Variants in CTNNA2 observed in about 807,000 individuals in gnomAD.
CTNNA2 encodes the protein catenin alpha-2.
CTNNA2 carries 42 observed loss-of-function variants against 101.0 expected under a neutral mutation model. The observed-to-expected ratio is 0.42, with a 90% CI of 0.32 to 0.54. CTNNA2 has a LOEUF of 0.54. Among genes scored for constraint, CTNNA2 ranks in the 20% least tolerant of loss-of-function variants. The pLI is 0.14. For missense variants in CTNNA2, 871 were observed against 1,223.1 expected, an observed-to-expected ratio of 0.71 and a Z score of 4.29; for synonymous variants, 450 against 456.4, an observed-to-expected ratio of 0.99 and a Z score of 0.18.
chr2:80,456,040 C>T (rs555660638), intron 9 of CTNNA2, among the ~76,000 whole-genome samples: 2 of 152,234 alleles, frequency 1.3e-5, no homozygotes, highest in East Asian at 3.9e-4. Flanking sequence ...AAGTTACTTT[C>T]CTTATTTGTA....
At chr2:79,853,743 A>G (rs1246715801) in intron 3 of CTNNA2, among the ~76,000 whole-genome samples, 1 of 148,558 alleles carries the variant, frequency 6.7e-6, no homozygotes, top group African/African-American at 2.5e-5. Context: ...ATCTTGGCTC[A>G]CCGCAACATT....
At chr2:80,572,494 G>A (rs904307994) in intron 12 of CTNNA2, among the ~76,000 whole-genome samples, 2 of 152,036 alleles carry the variant, frequency 1.3e-5, no homozygotes, top group African/African-American at 4.8e-5. Context: ...TCATACTTAT[G>A]GCAACGTAGA....
rs141079825 is a variant in CTNNA2 at position 80,260,093 on chromosome 2, C to T, written c.1057-133118C>T. On this transcript the variant is annotated intron_variant, in intron 7 of 18. Coordinates refer to ENST00000402739, the MANE Select transcript of CTNNA2 (RefSeq NM_001282597.3). ...GTACCATTATTACTCCATTATTTTC[C>T]GACATTATTGTGAAGACTTCCAAAA... Among the ~76,000 whole-genome samples the T allele has an allele frequency of 5.1e-4, 77 of 152,184 alleles. 2 individuals carry two copies. The highest frequency in any genetic ancestry group is 1.6e-3 in the African/African-American group (67 of 41,518).
chr2:80,591,457 G>GTTTTTTTTTTGTTTTTTTTTTTTTTTT (rs1696489265), intron 15 of CTNNA2, among the ~76,000 whole-genome samples: 1 of 70,314 alleles, frequency 1.4e-5, no homozygotes, highest in Non-Finnish European at 3.0e-5. Context: ...TGCACAGCCT[G>GTTTTTTTTTTGTTTTTTTTTTTTTTTT]TTTTTTTTTT....
intron 3 of CTNNA2, among the ~76,000 whole-genome samples, chr2:79,823,774 A>C (rs931234089): frequency 1.3e-5 from 2 of 152,154 alleles, no homozygotes; most frequent in Non-Finnish European, 2.9e-5. Flanking sequence ...AATGACGTTA[A>C]AAAATAAAGG....
At chr2:79,757,882 A>G (rs1026950448) in intron 3 of CTNNA2, among the ~76,000 whole-genome samples, 8 of 152,232 alleles carry the variant, frequency 5.3e-5, no homozygotes, top group Non-Finnish European at 1.2e-4. Flanking sequence ...GATAGGATGC[A>G]TGTAAAGTAC....
At chr2:80,231,753 A>G (rs867346003) in intron 7 of CTNNA2, among the ~76,000 whole-genome samples, 2 of 152,170 alleles carry the variant, frequency 1.3e-5, no homozygotes, top group Non-Finnish European at 2.9e-5. Flanking sequence ...AGGAAATCAA[A>G]GTATTTTACC....
chr2:79,848,778 G>T (rs1265200376), intron 3 of CTNNA2, among the ~76,000 whole-genome samples: 2 of 152,154 alleles, frequency 1.3e-5, no homozygotes, highest in African/African-American at 4.8e-5. Context: ...AAAGAACACT[G>T]ACCAAATGAG....
rs1186663970 is a variant in CTNNA2, at chr2:80,303,778, C to T, written c.1057-89433C>T. The T allele has an allele frequency of 2.6e-6, 4 of 1,561,838 alleles. No homozygotes were observed. The highest frequency in any genetic ancestry group is 1.9e-5 in the Admixed American group (1 of 53,104). Reference sequence around the variant, plus strand: ...ACAAGACCACCCCCGAGGGCCTCCTCAGCAGCCAGTATAGACAGAGACCGA... The same window carrying T: ...ACAAGACCACCCCCGAGGGCCTCCTTAGCAGCCAGTATAGACAGAGACCGA... On this transcript the variant is annotated intron_variant, in intron 7 of 18. Transcript: ENST00000402739. This position sits in a 1 kb window ranked among gnomAD's most constrained non-coding sequence, Gnocchi z 7.7.
intron 7 of CTNNA2, among the ~76,000 whole-genome samples, chr2:80,229,407 A>G (rs1400230931): frequency 6.6e-6 from 1 of 151,690 alleles, no homozygotes; most frequent in African/African-American, 2.4e-5. Context: ...AGGTTTAATA[A>G]TTGTTAGAAT....
At chr2:80,307,661 T>C (rs181365248) in intron 7 of CTNNA2, among the ~76,000 whole-genome samples, 19 of 152,306 alleles carry the variant, frequency 1.2e-4, no homozygotes, top group African/African-American at 3.8e-4. Context: ...TCTTCAAATG[T>C]TGTATATTGG....
intron 8 of CTNNA2, among the ~76,000 whole-genome samples, chr2:80,394,301 C>T (rs1277762707): frequency 6.6e-6 from 1 of 152,182 alleles, no homozygotes; most frequent in Non-Finnish European, 1.5e-5. Flanking sequence ...AGGAACCCAC[C>T]ACTTCTGATG....
At chr2:79,939,625 A>G (rs7581182) in intron 7 of CTNNA2, among the ~76,000 whole-genome samples, 19,076 of 152,194 alleles carry the variant, frequency 0.13, 1,337 homozygotes, top group East Asian at 0.2. Flanking sequence ...TTCTACAATT[A>G]GCCATTTTGT....
At chr2:79,730,117 G>A (rs377163034) in intron 2 of CTNNA2, among the ~76,000 whole-genome samples, 6 of 151,940 alleles carry the variant, frequency 3.9e-5, no homozygotes, top group African/African-American at 9.7e-5. Flanking sequence ...CACAAGTGTC[G>A]GACAAATTAA....
intron 2 of CTNNA2, among the ~76,000 whole-genome samples, chr2:79,200,662 G>GCAAA (rs562912450): frequency 6.6e-6 from 1 of 152,026 alleles, no homozygotes; most frequent in South Asian, 2.1e-4. Flanking sequence ...TGAGGAAAAA[G>GCAAA]CAAACAAACA....
At chr2:80,204,871 G>A (rs1573384627) in intron 7 of CTNNA2, among the ~76,000 whole-genome samples, 3 of 152,184 alleles carry the variant, frequency 2.0e-5, no homozygotes, top group African/African-American at 7.2e-5. Context: ...CACATGGCTG[G>A]GAAGGCCTCA....
In CTNNA2 at chr2:79,874,260, C is replaced by T. The variant is rs769068982; in HGVS notation, c.770C>T (p.Ala257Val). Residue 257 changes from alanine to valine, a missense_variant, in exon 6 of 19, where the codon GCT becomes GTT. Physicochemically the swap from Ala to Val is moderately conservative, Grantham distance 64. Coordinates refer to ENST00000402739, the MANE Select transcript of CTNNA2 (RefSeq NM_001282597.3). ...VQEAIAGISN[A>V]AQATSPTDEA... ...GAGGCCATCGCCGGCATCTCCAATG[C>T]TGCTCAAGCTACCTCGCCCACTGAC... 1.9e-6 allele frequency: 3 copies of T among 1,614,012 alleles called. No homozygotes were observed. Among genetic ancestry groups the T allele is most frequent in the South Asian group, 1.1e-5 (1 of 91,076 alleles).
At chr2:80,592,658 C>A (rs1358216955) in intron 15 of CTNNA2, among the ~76,000 whole-genome samples, 1 of 152,084 alleles carries the variant, frequency 6.6e-6, no homozygotes, top group African/African-American at 2.4e-5. Flanking sequence ...TATTCAGAAG[C>A]CTCTGAAAAG....
In CTNNA2 at chr2:79,213,777, G is replaced by C. The variant is rs143032678; in HGVS notation, c.-406+15701G>C. Among the ~76,000 whole-genome samples, 446 of 152,306 alleles carry C rather than the reference G, an allele frequency of 2.9e-3. 2 individuals are homozygous for C. The highest frequency in any genetic ancestry group is 0.01 in the African/African-American group (419 of 41,560). ...AATTGTGGGAAACTCAACAAAGAGTGAGTATAGCTGAAGGAGCCAGGAAGC... is the reference window on the plus strand; with the variant it reads ...AATTGTGGGAAACTCAACAAAGAGTCAGTATAGCTGAAGGAGCCAGGAAGC... On this transcript the variant is annotated intron_variant, in intron 2 of 21. Coordinates refer to the CTNNA2 transcript ENST00000466387.
Sources: allele counts gnomAD v4.1 joint callset (sites outside exome capture counted in the v4.1 genomes callset), GRCh38; gene constraint gnomAD v4.1.1; non-coding constraint Gnocchi (gnomAD v3.1); transcripts MANE v1.5; gene names NCBI Gene and HGNC (gene_info 2026-07-23, HGNC 2026-07-21).